Variants in CADPS2 observed in about 807,000 individuals in gnomAD.
The protein encoded by CADPS2 is calcium-dependent secretion activator 2.
In CADPS2, 93 loss-of-function variants were observed where a neutral mutation model predicts 172.5. That is an observed-to-expected ratio of 0.54 (90% CI 0.46 to 0.64). The LOEUF is 0.64. Ranked by LOEUF, CADPS2 falls within the 30% of genes least tolerant of loss-of-function variation. The probability of loss-of-function intolerance (pLI) is 0.00; values close to 1 mark genes in which losing one functional copy is unlikely to be tolerated. For missense variants in CADPS2, 1,420 were observed against 1,565.9 expected, an observed-to-expected ratio of 0.91 and a Z score of 1.57; for synonymous variants, 546 against 555.2, an observed-to-expected ratio of 0.98 and a Z score of 0.23.
At chr7:122,861,495 T>C (rs1816927994) in intron 1 of CADPS2, among the ~76,000 whole-genome samples, 2 of 152,236 alleles carry the variant, frequency 1.3e-5, no homozygotes, top group East Asian at 3.8e-4. Context: ...ATATTCTGGA[T>C]ATTAAACCCT....
chr7:122,525,404 T>G (rs1029849340), intron 8 of CADPS2, among the ~76,000 whole-genome samples: 1 of 152,208 alleles, frequency 6.6e-6, no homozygotes, highest in East Asian at 1.9e-4. Context: ...CAATAGCCTC[T>G]TCTACGAAAA....
chr7:122,659,047 C>T (rs1384785193), intron 3 of CADPS2, among the ~76,000 whole-genome samples: 1 of 151,922 alleles, frequency 6.6e-6, no homozygotes, highest in Non-Finnish European at 1.5e-5. Context: ...GTTCTCATTA[C>T]CTAATATATC....
At chr7:122,852,763 C>T (rs1014640299) in intron 1 of CADPS2, among the ~76,000 whole-genome samples, 4 of 152,056 alleles carry the variant, frequency 2.6e-5, no homozygotes, top group African/African-American at 4.8e-5. Context: ...TAAACACTTA[C>T]GCTTTTACTG....
At chr7:122,787,971 T>C (rs1463634153) in intron 1 of CADPS2, among the ~76,000 whole-genome samples, 2 of 152,154 alleles carry the variant, frequency 1.3e-5, no homozygotes, top group African/African-American at 4.8e-5. Context: ...AGGAAGATCC[T>C]GACAAATAGA....
chr7:122,865,736 A>ATTT (rs1818142148), intron 1 of CADPS2, among the ~76,000 whole-genome samples: 1 of 152,236 alleles, frequency 6.6e-6, no homozygotes, highest in Non-Finnish European at 1.5e-5. Flanking sequence ...AAGGGGGAAA[A>ATTT]GGAAAATGAG....
intron 1 of CADPS2, among the ~76,000 whole-genome samples, chr7:122,881,975 T>C (rs1823038670): frequency 6.6e-6 from 1 of 152,130 alleles, no homozygotes; most frequent in African/African-American, 2.4e-5. Flanking sequence ...GAGACTTACA[T>C]GTACACAGCA....
At chr7:122,803,742 G>C (rs528464734) in intron 1 of CADPS2, among the ~76,000 whole-genome samples, 2 of 152,166 alleles carry the variant, frequency 1.3e-5, no homozygotes, top group Admixed American at 1.3e-4. Context: ...AAGAAAACAA[G>C]TACTTTGCAA....
chr7:122,674,760 G>T (rs1249105984), intron 2 of CADPS2, among the ~76,000 whole-genome samples: 1 of 152,198 alleles, frequency 6.6e-6, no homozygotes, highest in Non-Finnish European at 1.5e-5. Flanking sequence ...CTATGAGATG[G>T]TTCCAGGAAG....
At chr7:122,767,851 T>A (rs1403723945) in intron 1 of CADPS2, among the ~76,000 whole-genome samples, 1 of 152,202 alleles carries the variant, frequency 6.6e-6, no homozygotes, top group African/African-American at 2.4e-5. Context: ...GTAGATGATC[T>A]GCATTGAAAA....
chr7:122,627,123 G>A (rs889781759), intron 4 of CADPS2, among the ~76,000 whole-genome samples: 1 of 152,202 alleles, frequency 6.6e-6, no homozygotes, highest in African/African-American at 2.4e-5. Context: ...CTGGAAGCAA[G>A]GCCAGGATTT....
At chr7:122,627,305 G>T (rs371184149) in intron 4 of CADPS2, among the ~76,000 whole-genome samples, 30 of 152,134 alleles carry the variant, frequency 2.0e-4, no homozygotes, top group African/African-American at 7.0e-4. Context: ...TTGTTATTAG[G>T]CTTAAAAATA....
At chr7:122,686,602 C>T (rs771424420) in intron 2 of CADPS2, among the ~76,000 whole-genome samples, 2 of 152,176 alleles carry the variant, frequency 1.3e-5, no homozygotes, top group Non-Finnish European at 2.9e-5. Flanking sequence ...GCTGAGGCTG[C>T]TCGAAGATGC....
At chr7:122,798,527 A>C (rs994819811) in intron 1 of CADPS2, among the ~76,000 whole-genome samples, 1 of 152,214 alleles carries the variant, frequency 6.6e-6, no homozygotes, top group Non-Finnish European at 1.5e-5. Flanking sequence ...TACAAAGCCA[A>C]CAAAAGGTTA....
intron 10 of CADPS2, 59 bp from the exon 11 acceptor site, chr7:122,490,340 C>G: frequency 7.4e-7 from 1 of 1,343,230 alleles, no homozygotes; most frequent in African/African-American, 1.4e-5. Context: ...ATTTTCGTCT[C>G]ATTCACTAAC....
intron 2 of CADPS2, among the ~76,000 whole-genome samples, chr7:122,664,307 T>A (rs1307495086): frequency 1.3e-5 from 2 of 152,136 alleles, no homozygotes; most frequent in African/African-American, 2.4e-5. Flanking sequence ...TCCCCATCCC[T>A]GATTTTACCA....
chr7:122,803,974 G>GAAAAAA (rs869246600), intron 1 of CADPS2, among the ~76,000 whole-genome samples: 16 of 85,128 alleles, frequency 1.9e-4, no homozygotes, highest in African/African-American at 6.0e-4. Context: ...GGCTTGAATG[G>GAAAAAA]AAAAAAAAAA....
At chr7:122,571,651 A>T (rs2132534136) in intron 7 of CADPS2, among the ~76,000 whole-genome samples, 1 of 152,276 alleles carries the variant, frequency 6.6e-6, no homozygotes, top group Admixed American at 6.5e-5. Context: ...ATTAGAAAGA[A>T]TTTGCATCTT....
chr7:122,837,749 T>A (rs1398424853), intron 1 of CADPS2, among the ~76,000 whole-genome samples: 3 of 152,174 alleles, frequency 2.0e-5, no homozygotes, highest in Admixed American at 1.3e-4. Flanking sequence ...AATCCCTGAA[T>A]AGACCAATAA....
At chr7:122,631,010 G>C (rs2076527624) in intron 3 of CADPS2, among the ~76,000 whole-genome samples, 1 of 151,966 alleles carries the variant, frequency 6.6e-6, no homozygotes. Context: ...AAATCAAAAT[G>C]ATTAAAATTA....
Sources: gnomAD v4.1 joint callset for allele counts (sites outside exome capture counted in the v4.1 genomes callset) on GRCh38, gnomAD v4.1.1 for gene constraint, MANE v1.5 for transcripts, NCBI Gene and HGNC (gene_info 2026-07-23, HGNC 2026-07-21) for gene names.